Variants in SLC4A7 observed in about 807,000 individuals in gnomAD.
The protein encoded by SLC4A7 is solute carrier family 4 member 7.
A neutral mutation model predicts 137.6 loss-of-function variants in SLC4A7; 51 were observed. The ratio of observed to expected loss-of-function variants is 0.37; its 90% CI spans 0.30 to 0.47. The LOEUF is 0.47. Among genes scored for constraint, SLC4A7 ranks in the 20% least tolerant of loss-of-function variants. The pLI is 1.00. For missense variants in SLC4A7, 1,247 were observed against 1,525.4 expected (o/e 0.82, Z 3.04); for synonymous variants, 542 against 518.6 (o/e 1.05, Z -0.61).
At chr3:27,464,585 C>T (rs1212349468) in intron 1 of SLC4A7, among the ~76,000 whole-genome samples, 3 of 151,814 alleles carry the variant, frequency 2.0e-5, no homozygotes, top group African/African-American at 4.8e-5. Context: ...ACCAGCTACT[C>T]GGGAGGGTGA....
intron 3 of SLC4A7, among the ~76,000 whole-genome samples, chr3:27,446,278 C>A (rs1000030089): frequency 6.6e-6 from 1 of 151,520 alleles, no homozygotes; most frequent in African/African-American, 2.4e-5. Flanking sequence ...AAATTTAATC[C>A]CCGTTATTCC....
In SLC4A7 at chr3:27,376,906, T is replaced by C. The variant is rs1046518597; in HGVS notation, c.3699-61A>G. ...AAATATAAATATTCAATTCTAAACA[T>C]GGCTAACAATGAGTATACTAAACCT... On this transcript the variant is annotated intron_variant, in intron 25 of 25. Coordinates refer to ENST00000454389, the MANE Select transcript of SLC4A7 (RefSeq NM_001321103.2). 7.6e-6 allele frequency: 6 copies of C among 788,320 alleles called. No homozygotes were observed. The East Asian group carries it at 1.9e-4, about 24-fold the overall frequency. 48.8% of individuals were successfully genotyped at this position (788,320 alleles called of 1,614,324 possible). A position where few individuals can be genotyped will look rare whatever the true frequency, so the allele number is the denominator to read the frequency against.
At chr3:27,421,882 C>A in intron 8 of SLC4A7, 103 bp from the exon 9 acceptor site, 1 of 772,424 alleles carries the variant, frequency 1.3e-6, no homozygotes, top group South Asian at 2.2e-5. Context: ...ATTTGCTAAT[C>A]AAAACTTGTG....
intron 3 of SLC4A7, among the ~76,000 whole-genome samples, chr3:27,448,003 G>A (rs1055711641): frequency 6.6e-6 from 1 of 151,912 alleles, no homozygotes; most frequent in Non-Finnish European, 1.5e-5. Flanking sequence ...CTTGAGGTCA[G>A]GAGTTCAAGA....
intron 8 of SLC4A7, 98 bp from the exon 9 acceptor site, chr3:27,421,877 CT>C (rs1203780987): frequency 2.5e-6 from 2 of 795,126 alleles, no homozygotes; most frequent in Admixed American, 2.8e-5. Flanking sequence ...CTACTATTTG[CT>C]AATCAAAACT....
intron 22 of SLC4A7, among the ~76,000 whole-genome samples, 187 bp downstream of exon 22, chr3:27,389,743 TA>T (rs1224128453): frequency 6.6e-6 from 1 of 152,136 alleles, no homozygotes; most frequent in Non-Finnish European, 1.5e-5. Flanking sequence ...AACAAAAATT[TA>T]CAAAGTAATA....
chr3:27,440,863 G>A (rs1240442789), intron 3 of SLC4A7, among the ~76,000 whole-genome samples: 2 of 152,154 alleles, frequency 1.3e-5, no homozygotes, highest in Non-Finnish European at 2.9e-5. Context: ...TGGCCAACAT[G>A]GTGAAACCCT....
At chr3:27,442,998 C>T (rs930183144) in intron 3 of SLC4A7, among the ~76,000 whole-genome samples, 1 of 151,338 alleles carries the variant, frequency 6.6e-6, no homozygotes, top group Admixed American at 6.6e-5. Flanking sequence ...CAGGCATTAG[C>T]CACCGCGCTG....
At chr3:27,400,602 A>G (rs1167654473) in intron 16 of SLC4A7, among the ~76,000 whole-genome samples, 162 bp downstream of exon 16, 1 of 152,174 alleles carries the variant, frequency 6.6e-6, no homozygotes, top group Non-Finnish European at 1.5e-5. Context: ...CGAGCGCATG[A>G]TACATAAAAA....
intron 1 of SLC4A7, among the ~76,000 whole-genome samples, chr3:27,467,986 T>C (rs2059079261): frequency 6.6e-6 from 1 of 152,248 alleles, no homozygotes; most frequent in South Asian, 2.1e-4. Flanking sequence ...AGTATTCAGA[T>C]ATGCATTTTA....
chr3:27,481,609 C>T (rs1042812049), intron 1 of SLC4A7, among the ~76,000 whole-genome samples: 1 of 152,148 alleles, frequency 6.6e-6, no homozygotes, highest in Non-Finnish European at 1.5e-5. Flanking sequence ...TTCCTGTTTT[C>T]AAATCAGTTC....
intron 1 of SLC4A7, chr3:27,456,719 T>G: frequency 6.2e-7 from 1 of 1,608,432 alleles, no homozygotes; most frequent in South Asian, 1.1e-5. Context: ...GATGATGTAA[T>G]GCAGTAACTC....
chr3:27,472,746 C>A lies in SLC4A7; in HGVS notation c.60+11321G>T, dbSNP rs538990792. On this transcript the variant is annotated intron_variant, in intron 1 of 25. Coordinates refer to ENST00000454389, the MANE Select transcript of SLC4A7 (RefSeq NM_001321103.2). ...TGATTTCTAATCAATGAAACAATTTCTATTTGTATCTTACCTCTATCAAAA... is the reference window on the plus strand; with the variant it reads ...TGATTTCTAATCAATGAAACAATTTATATTTGTATCTTACCTCTATCAAAA... Among the ~76,000 whole-genome samples the A allele has an allele frequency of 3.3e-5, 5 of 152,258 alleles. No homozygotes were observed. In the East Asian group the frequency reaches 5.8e-4, roughly 18 times the overall value.
intron 1 of SLC4A7, among the ~76,000 whole-genome samples, chr3:27,463,677 G>A (rs940566315): frequency 6.6e-6 from 1 of 152,168 alleles, no homozygotes; most frequent in Non-Finnish European, 1.5e-5. Flanking sequence ...GAGCCGCGAA[G>A]TTTGCGCCAT....
intron 7 of SLC4A7, among the ~76,000 whole-genome samples, chr3:27,426,643 G>C (rs2150339751): frequency 6.6e-6 from 1 of 152,292 alleles, no homozygotes; most frequent in Middle Eastern, 3.4e-3. Flanking sequence ...ATGAGAAGAA[G>C]AAATAATGAA....
intron 23 of SLC4A7, 131 bp downstream of exon 23, chr3:27,385,761 C>T: frequency 1.6e-6 from 1 of 633,472 alleles, no homozygotes; most frequent in Admixed American, 3.5e-5. Context: ...GCAGTACCTA[C>T]TACACTTTTA....
At chr3:27,396,025 T>C (rs1468627912) in intron 18 of SLC4A7, among the ~76,000 whole-genome samples, 1 of 152,206 alleles carries the variant, frequency 6.6e-6, no homozygotes, top group Non-Finnish European at 1.5e-5. Flanking sequence ...ATAGCAATTT[T>C]TTTTTAAAGA....
At chr3:27,386,989 T>C (rs574635505) in intron 22 of SLC4A7, among the ~76,000 whole-genome samples, 1 of 152,192 alleles carries the variant, frequency 6.6e-6, no homozygotes, top group Non-Finnish European at 1.5e-5. Flanking sequence ...AATAACCTGC[T>C]TATGGTATTC....
chr3:27,404,924 T>C lies in SLC4A7; in HGVS notation c.1981A>G (p.Ile661Val). The change falls in exon 14 of 26, where the codon ATT becomes GTT. Residue 661 changes from isoleucine (I) to valine (V), a missense_variant. Ile to Val is a conservative substitution (Grantham distance 29). Coordinates refer to ENST00000454389, the MANE Select transcript of SLC4A7 (RefSeq NM_001321103.2). ...ESLFGASLTG[I>V]AYSLFAGQPL... is the part of the protein sequence containing the mutation. ...TGCCCAGCAAACAATGAATAGGCAA[T>C]CCCAGTTAATGATGCTCCAAAAAGA... The C allele has an allele frequency of 1.2e-6, 2 of 1,610,196 alleles. No homozygotes were observed. Among genetic ancestry groups the C allele is most frequent in the South Asian group, 1.1e-5 (1 of 90,432 alleles).
Sources: allele counts gnomAD v4.1 joint callset (sites outside exome capture counted in the v4.1 genomes callset), GRCh38; gene constraint gnomAD v4.1.1; transcripts MANE v1.5; gene names NCBI Gene and HGNC (gene_info 2026-07-23, HGNC 2026-07-21).